MRPL45: variants seen among roughly 807,000 people sequenced by gnomAD.
MRPL45 encodes large ribosomal subunit protein mL45.
Under a neutral mutation model 38.1 loss-of-function variants are expected in MRPL45, and 20 were observed. That is an observed-to-expected ratio of 0.53 (90% CI 0.37 to 0.76). The LOEUF (loss-of-function observed/expected upper bound fraction) is 0.76. Among genes scored for constraint, MRPL45 ranks in the 30% least tolerant of loss-of-function variants. The pLI, the probability that MRPL45 is intolerant of heterozygous loss-of-function variation, is 0.00. For synonymous variants in MRPL45, 105 were observed against 128.8 expected (o/e 0.82, Z 1.25); for missense variants, 337 against 395.6 (o/e 0.85, Z 1.26).
rs953978401 is a variant in MRPL45 at position 38,322,451 on chromosome 17, C to T, written c.835-58C>T. ...GGGTGGGTGGGAGCAAGGGATGAAG[C>T]TCTTCTGGGTCAGCCATGGGCTTGG... On this transcript the variant is annotated intron_variant, in intron 7 of 7. Coordinates refer to ENST00000613675, the MANE Select transcript of MRPL45 (RefSeq NM_032351.6). The T allele has an allele frequency of 2.0e-4, 290 of 1,428,266 alleles. 4 individuals are homozygous for T. The East Asian group carries it at 6.7e-3, about 33-fold the overall frequency. The allele number at this position is 1,428,266 out of a possible 1,614,324, so 88.5% of individuals were successfully genotyped here.
intron 3 of MRPL45, among the ~76,000 whole-genome samples, chr17:38,300,326 ATT>A (rs201833811): frequency 0.042 from 6,428 of 151,996 alleles, 185 homozygotes; most frequent in Middle Eastern, 0.26. Context: ...GACCTGGCTA[ATT>A]TTTAAAAGAA....
chr17:38,305,706 G>A (rs548081455), intron 3 of MRPL45, among the ~76,000 whole-genome samples: 1 of 149,278 alleles, frequency 6.7e-6, no homozygotes, highest in African/African-American at 2.5e-5. Flanking sequence ...GCGGTGGTGC[G>A]ATCTCTGCTC....
intron 4 of MRPL45, among the ~76,000 whole-genome samples, chr17:38,312,231 G>A (rs2037119789): frequency 6.6e-6 from 1 of 151,894 alleles, no homozygotes; most frequent in South Asian, 2.1e-4. Context: ...ATTTTTAGTA[G>A]AGACGGGGTT....
At chr17:38,312,616 A>G (rs116630927) in intron 4 of MRPL45, among the ~76,000 whole-genome samples, 2,313 of 152,276 alleles carry the variant, frequency 0.015, 53 homozygotes, top group African/African-American at 0.052. Flanking sequence ...CCCGTAATCC[A>G]GCACTTTTGG....
In MRPL45 at chr17:38,318,711, C is replaced by G; in HGVS notation, c.486C>G (p.Thr162=). The change falls in exon 5 of 8, where the codon ACC becomes ACG. Residue 162 remains threonine (T), a synonymous_variant. Transcript: ENST00000613675. ...GCTCAGACCATGACCGGCTTCATAC[C>G]TTGGTAACTGAACACTGTTTTCCAG... ...LNNSDHDRLH[T]LVTEHCFPDM... The G allele has an allele frequency of 6.2e-7, 1 of 1,610,202 alleles. No individual in the cohort carries two copies. Among genetic ancestry groups the G allele is most frequent in the Non-Finnish European group, 8.5e-7 (1 of 1,176,924 alleles).
chr17:38,303,676 T>C (rs2037022735), intron 3 of MRPL45, among the ~76,000 whole-genome samples: 4 of 152,162 alleles, frequency 2.6e-5, no homozygotes, highest in South Asian at 4.1e-4. Flanking sequence ...GACTAGTTGC[T>C]CTTAAGGCCA....
chr17:38,313,323 T>A (rs1158535964), intron 4 of MRPL45, among the ~76,000 whole-genome samples: 4 of 22,478 alleles, frequency 1.8e-4, no homozygotes, highest in South Asian at 1.7e-3. Flanking sequence ...TATATATATA[T>A]ATATATATAC....
At chr17:38,319,053 T>TTTATTTA in intron 5 of MRPL45, among the ~76,000 whole-genome samples, 1 of 135,008 alleles carries the variant, frequency 7.4e-6, no homozygotes, top group Non-Finnish European at 1.6e-5. Context: ...TTATTTATTT[T>TTTATTTA]GAGATGGAGT....
At chr17:38,321,640 G>A (rs1313256961) in intron 6 of MRPL45, among the ~76,000 whole-genome samples, 5 of 151,662 alleles carry the variant, frequency 3.3e-5, no homozygotes, top group South Asian at 4.2e-4. Flanking sequence ...GCAGTGAGAC[G>A]ATACCGTACC....
intron 4 of MRPL45, among the ~76,000 whole-genome samples, chr17:38,318,149 A>C (rs1158006860): frequency 6.8e-6 from 1 of 146,098 alleles, no homozygotes; most frequent in African/African-American, 2.5e-5. Context: ...TGGAGGTTGC[A>C]GTGAGCCGAG....
At position 38,304,899 on chromosome 17, in the gene MRPL45, T is replaced by G. The variant is rs1171473737; in HGVS notation, c.363-1634T>G. On this transcript the variant is annotated intron_variant, in intron 3 of 7. Transcript: ENST00000613675. ...TCTCGCTCTGTCACCCAGGCTGGAG[T>G]GCAGTGGCAGGATCTCAGCTCACTG... Among the ~76,000 whole-genome samples the G allele has an allele frequency of 6.8e-5, 10 of 146,850 alleles. No individual in the cohort carries two copies. In the Admixed American group the frequency reaches 7.0e-4, roughly 10 times the overall value.
At chr17:38,316,737 CAAAAAAAAAAAAA>C (rs61383463) in intron 4 of MRPL45, among the ~76,000 whole-genome samples, 1,700 of 61,380 alleles carry the variant, frequency 0.028, 52 homozygotes, top group African/African-American at 0.078. Flanking sequence ...TGGTGCAATC[CAAAAAAAAAAAAA>C]AAAAAAAAAA....
At chr17:38,322,031 C>CA (rs747640334) in intron 6 of MRPL45, 95 bp from the exon 7 acceptor site, 119,109 of 1,047,086 alleles carry the variant, frequency 0.11, 229 homozygotes, top group Middle Eastern at 0.21. Context: ...GACTCTGTCT[C>CA]AAAAAAAAAA....
At chr17:38,321,802 G>A (rs573288041) in intron 6 of MRPL45, among the ~76,000 whole-genome samples, 27 of 152,206 alleles carry the variant, frequency 1.8e-4, no homozygotes, top group South Asian at 2.1e-4. Flanking sequence ...AGGCCGAAGC[G>A]GGTGGATCAC....
intron 3 of MRPL45, among the ~76,000 whole-genome samples, chr17:38,302,751 G>A (rs1291020043): frequency 1.3e-5 from 2 of 150,950 alleles, no homozygotes; most frequent in African/African-American, 4.9e-5. Context: ...TTGAGATGGA[G>A]TCTTGCTCTG....
chr17:38,322,318 T>C lies in MRPL45; in HGVS notation c.834+19T>C. ...CCTTAAGGTAAGGTGGCTTGCATGG[T>C]TTAAGAGAGCTGAGGCACTACTCGT... On this transcript the variant is annotated intron_variant, in intron 7 of 7. Transcript: ENST00000613675. 6.2e-7 allele frequency: 1 copy of C among 1,611,900 alleles called. No individual in the cohort carries two copies. The highest frequency in any genetic ancestry group is 8.5e-7 in the Non-Finnish European group (1 of 1,178,762).
rs753461331 is a variant in MRPL45 at position 38,297,199 on chromosome 17, C to A, written c.16C>A (p.Pro6Thr). 2 of 1,614,254 alleles carry A rather than the reference C, an allele frequency of 1.2e-6. No individual in the cohort carries two copies. The highest frequency in any genetic ancestry group is 1.7e-6 in the Non-Finnish European group (2 of 1,180,054). The change falls in exon 1 of 8, where the codon CCT becomes ACT. Residue 6 changes from proline (P) to threonine (T), a missense_variant. Around this residue, in one of 3 missense-constraint regions of MRPL45, gnomAD observed 26 missense variants for 16.9 expected, o/e 1.54. Transcript: ENST00000613675. The stretch of plus-strand genomic sequence containing the variant: ...CGGGAACAAGATGGCAGCCCCCATA[C>A]CTCAAGGGTTCTCTTGTTTATCGAG... MAAPI[P>T]QGFSCLSRFL...
chr17:38,306,112 T>TA (rs999670585), intron 3 of MRPL45, among the ~76,000 whole-genome samples: 4 of 151,314 alleles, frequency 2.6e-5, no homozygotes, highest in Admixed American at 2.0e-4. Context: ...CTTGACACAT[T>TA]AAAAAATCAA....
chr17:38,302,963 C>T (rs1223502609), intron 3 of MRPL45, among the ~76,000 whole-genome samples: 4 of 150,862 alleles, frequency 2.7e-5, no homozygotes, highest in Non-Finnish European at 4.4e-5. Context: ...AGGTGATCCA[C>T]CTTCCTGACC....
Sources: allele counts gnomAD v4.1 joint callset (sites outside exome capture counted in the v4.1 genomes callset), GRCh38; gene constraint gnomAD v4.1.1; regional missense constraint gnomAD v4.1.1; transcripts MANE v1.5; gene names NCBI Gene and HGNC (gene_info 2026-07-23, HGNC 2026-07-21).